Variants in CCDC85C observed in about 807,000 individuals in gnomAD.
CCDC85C encodes coiled-coil domain-containing protein 85C.
A neutral mutation model predicts 38.3 loss-of-function variants in CCDC85C; 18 were observed. The observed-to-expected ratio is 0.47, with a 90% CI of 0.33 to 0.70. CCDC85C has a LOEUF of 0.70. CCDC85C is among the 30% of genes least tolerant of loss of function. CCDC85C has a pLI of 0.03. For synonymous variants in CCDC85C, 264 were observed against 293.8 expected (o/e 0.90, Z 1.04); for missense variants, 566 against 621.2 (o/e 0.91, Z 0.94).
intron 1 of CCDC85C, among the ~76,000 whole-genome samples, chr14:99,540,774 C>G (rs551153105): frequency 5.9e-5 from 9 of 152,338 alleles, no homozygotes; most frequent in African/African-American, 2.2e-4. Flanking sequence ...CCCCTCACCC[C>G]GCCCTCTTCA....
At chr14:99,528,941 G>A (rs1399298961) in intron 2 of CCDC85C, among the ~76,000 whole-genome samples, 3 of 152,096 alleles carry the variant, frequency 2.0e-5, no homozygotes, top group African/African-American at 7.2e-5. Flanking sequence ...CACGGCACAC[G>A]TGTACTCATG....
Position 99,512,498 on chromosome 14 carries a change from T to C in CCDC85C, c.*2748A>G, listed in dbSNP as rs1897153948. Reference sequence around the variant, plus strand: ...AAGAAAAAAAAAATGAAAGGTCACTTTTTTCTCTTTAAACACTGATGTGTA... The same window carrying C: ...AAGAAAAAAAAAATGAAAGGTCACTCTTTTCTCTTTAAACACTGATGTGTA... On this transcript the variant is annotated 3_prime_UTR_variant, in exon 6 of 6. Coordinates refer to ENST00000380243, the MANE Select transcript of CCDC85C (RefSeq NM_001144995.2). 1 of 152,236 alleles carries C rather than the reference T, an allele frequency of 6.6e-6. No homozygotes were observed. Among genetic ancestry groups the C allele is most frequent in the South Asian group, 2.1e-4 (1 of 4,816 alleles). The allele number at this position is 152,236 out of a possible 1,614,324, so 9.4% of individuals were successfully genotyped here.
Position 99,579,683 on chromosome 14 carries a change from C to T in CCDC85C, c.793+23484G>A, listed in dbSNP as rs867576160. ...GGATTGAGGTGGGGGCTATGGTCAG[C>T]TCCCTGGGGGAGGCAGCGGGAGGCA... On this transcript the variant is annotated intron_variant, in intron 1 of 5. Coordinates refer to ENST00000380243, the MANE Select transcript of CCDC85C (RefSeq NM_001144995.2). Among the ~76,000 whole-genome samples, 6 of 152,274 alleles carry T rather than the reference C, an allele frequency of 3.9e-5. No individual in the cohort carries two copies. In the Middle Eastern group the frequency reaches 0.01, roughly 259 times the overall value.
intron 2 of CCDC85C, among the ~76,000 whole-genome samples, chr14:99,525,467 G>A (rs867505098): frequency 4.6e-5 from 7 of 152,346 alleles, no homozygotes; most frequent in East Asian, 1.9e-4. Context: ...AAGGATGGGT[G>A]GGGTGGCTGC....
intron 2 of CCDC85C, among the ~76,000 whole-genome samples, chr14:99,532,379 C>T (rs1897509827): frequency 6.6e-6 from 1 of 152,238 alleles, no homozygotes; most frequent in South Asian, 2.1e-4. Context: ...CCCTATCCTC[C>T]AGGGGCCTCT....
chr14:99,522,345 C>A, intron 2 of CCDC85C, 105 bp from the exon 3 acceptor site: 1 of 747,240 alleles, frequency 1.3e-6, no homozygotes, highest in Non-Finnish European at 2.2e-6. Context: ...AAAGGCACGG[C>A]CCCGGAGGAC....
rs1371350607 is a variant in CCDC85C at position 99,545,131 on chromosome 14, G to A, written c.794-9043C>T. On this transcript the variant is annotated intron_variant, in intron 1 of 5. Coordinates refer to ENST00000380243, the MANE Select transcript of CCDC85C (RefSeq NM_001144995.2). This position sits in a 1 kb window ranked among gnomAD's most constrained non-coding sequence, Gnocchi z 4.7. ...GGTCAGCCTTCCCCAGTGAGTGCACGCCTGTCCTCTCAGTGTCATCTGTCC... is the reference window on the plus strand; with the variant it reads ...GGTCAGCCTTCCCCAGTGAGTGCACACCTGTCCTCTCAGTGTCATCTGTCC... Among the ~76,000 whole-genome samples the A allele has an allele frequency of 6.6e-6, 1 of 152,164 alleles. No individual in the cohort carries two copies. Among genetic ancestry groups the A allele is most frequent in the Non-Finnish European group, 1.5e-5 (1 of 68,022 alleles).
chr14:99,584,666 C>T (rs896788050), intron 1 of CCDC85C, among the ~76,000 whole-genome samples: 1 of 152,264 alleles, frequency 6.6e-6, no homozygotes, highest in Admixed American at 6.5e-5. Context: ...AAATCTATCA[C>T]ATGGCAGACA....
At chr14:99,575,192 G>C (rs928964614) in intron 1 of CCDC85C, among the ~76,000 whole-genome samples, 9 of 152,196 alleles carry the variant, frequency 5.9e-5, no homozygotes, top group Non-Finnish European at 1.0e-4. Flanking sequence ...AGTCTTCGTG[G>C]GGTGAGGCCG....
intron 2 of CCDC85C, chr14:99,534,638 T>C (rs1897557806): frequency 1.4e-6 from 1 of 702,132 alleles, no homozygotes; most frequent in Non-Finnish European, 2.6e-6. Context: ...GCCATGACCT[T>C]CTCCTGGTGT....
chr14:99,590,516 G>T (rs938446738), intron 1 of CCDC85C, among the ~76,000 whole-genome samples: 2 of 152,200 alleles, frequency 1.3e-5, no homozygotes, highest in Non-Finnish European at 2.9e-5. Context: ...CCCCTTGCCT[G>T]CCACAGCTCC....
At chr14:99,571,075 G>A (rs911927359) in intron 1 of CCDC85C, among the ~76,000 whole-genome samples, 32 of 152,246 alleles carry the variant, frequency 2.1e-4, no homozygotes, top group African/African-American at 7.2e-4. Context: ...GACCCCACCT[G>A]CCAGGGACAC....
chr14:99,567,160 C>T (rs1014567137), intron 1 of CCDC85C, among the ~76,000 whole-genome samples: 11 of 150,732 alleles, frequency 7.3e-5, no homozygotes, highest in Admixed American at 4.0e-4. Context: ...TTCTCATCTG[C>T]GCTGATGTAG....
At chr14:99,517,865 G>A (rs923443127) in intron 3 of CCDC85C, among the ~76,000 whole-genome samples, 1 of 152,212 alleles carries the variant, frequency 6.6e-6, no homozygotes, top group African/African-American at 2.4e-5. Context: ...GCCTCGGGCT[G>A]CAGTGGGGAC....
intron 1 of CCDC85C, among the ~76,000 whole-genome samples, chr14:99,562,087 A>G (rs2139950526): frequency 6.6e-6 from 1 of 152,298 alleles, no homozygotes; most frequent in African/African-American, 2.4e-5. Flanking sequence ...GTTACCCCAC[A>G]GGTGAGGACA....
At chr14:99,596,166 G>T (rs1161165884) in intron 1 of CCDC85C, among the ~76,000 whole-genome samples, 1 of 152,228 alleles carries the variant, frequency 6.6e-6, no homozygotes, top group Non-Finnish European at 1.5e-5. Context: ...CCTGGCATTT[G>T]TTCCACTCTC....
At chr14:99,590,055 G>A (rs1444909883) in intron 1 of CCDC85C, among the ~76,000 whole-genome samples, 1 of 152,228 alleles carries the variant, frequency 6.6e-6, no homozygotes, top group Non-Finnish European at 1.5e-5. Flanking sequence ...ACACTTCACA[G>A]CAGATCATGT....
At chr14:99,546,948 C>T (rs1408957827) in intron 1 of CCDC85C, among the ~76,000 whole-genome samples, 3 of 152,062 alleles carry the variant, frequency 2.0e-5, no homozygotes, top group Admixed American at 6.6e-5. Flanking sequence ...GTGGGAGGAT[C>T]GCTTGAGCCC....
intron 1 of CCDC85C, among the ~76,000 whole-genome samples, chr14:99,561,397 A>T (rs1898114077): frequency 6.6e-6 from 1 of 152,176 alleles, no homozygotes; most frequent in Non-Finnish European, 1.5e-5. Context: ...CTGGACTGGC[A>T]TGTGGCTCAG....
Sources: gnomAD v4.1 joint callset for allele counts (sites outside exome capture counted in the v4.1 genomes callset) on GRCh38, gnomAD v4.1.1 for gene constraint, Gnocchi (gnomAD v3.1) non-coding constraint, MANE v1.5 for transcripts, NCBI Gene and HGNC (gene_info 2026-07-23, HGNC 2026-07-21) for gene names.